Variants in DMD observed in about 807,000 individuals in gnomAD.
The protein encoded by DMD is mutant dystrophin.
In DMD, 63 loss-of-function variants were observed where a neutral mutation model predicts 330.1. The observed-to-expected ratio is 0.19, with a 90% CI of 0.16 to 0.24. DMD has a LOEUF of 0.24. DMD is among the 10% of genes least tolerant of loss of function. The probability of loss-of-function intolerance (pLI) is 1.00; values close to 1 mark genes in which losing one functional copy is unlikely to be tolerated. For missense variants in DMD, 3,344 were observed against 2,684.1 expected (o/e 1.25, Z -5.43); for synonymous variants, 1,223 against 959.8 (o/e 1.27, Z -5.07).
chrX:32,050,974 C>CTTTTTTTTTTTTTTT (rs761835866), intron 44 of DMD, among the ~76,000 whole-genome samples: 1,242 of 77,831 alleles, frequency 0.016, 71 homozygotes, highest in Non-Finnish European at 0.022. Flanking sequence ...CTAACTTCCT[C>CTTTTTTTTTTTTTTT]TTTTTTTTTT....
intron 44 of DMD, among the ~76,000 whole-genome samples, chrX:32,179,699 A>G (rs1850552629): frequency 2.7e-5 from 3 of 111,721 alleles, no homozygotes; most frequent in African/African-American, 9.8e-5. Context: ...CATAATCCCC[A>G]TGTGTCATGG....
At chrX:31,170,452 A>C (rs916032291) in intron 73 of DMD, among the ~76,000 whole-genome samples, 1 of 110,843 alleles carries the variant, frequency 9.0e-6, no homozygotes, top group African/African-American at 3.3e-5. Context: ...CAAGCTCCGG[A>C]AAGGCCTGTT....
At chrX:32,066,296 T>C (rs931004103) in intron 44 of DMD, among the ~76,000 whole-genome samples, 1 of 111,543 alleles carries the variant, frequency 9.0e-6, no homozygotes, top group East Asian at 2.8e-4. Flanking sequence ...AAATAGATGA[T>C]TGTGGCTTTA....
intron 2 of DMD, among the ~76,000 whole-genome samples, chrX:32,887,762 A>AAAAAAAAAAAC (rs2084781383): frequency 9.9e-6 from 1 of 101,332 alleles, no homozygotes; most frequent in African/African-American, 3.6e-5. Flanking sequence ...AAAAAAAAAA[A>AAAAAAAAAAAC]AAAAAAAAAA....
intron 2 of DMD, among the ~76,000 whole-genome samples, chrX:32,908,335 T>C (rs771419596): frequency 2.7e-5 from 3 of 112,056 alleles, no homozygotes; most frequent in African/African-American, 9.7e-5. Context: ...TGGCTTGTAG[T>C]CTTCCAAATT....
chrX:32,314,333 T>C (rs752386291), intron 41 of DMD, among the ~76,000 whole-genome samples: 2 of 111,448 alleles, frequency 1.8e-5, no homozygotes, highest in Non-Finnish European at 3.8e-5. Context: ...TCGGGAAAAC[T>C]GGCTGGCCAT....
chrX:32,490,077 G>A (rs2042851948), intron 20 of DMD, among the ~76,000 whole-genome samples: 1 of 111,786 alleles, frequency 8.9e-6, no homozygotes, highest in African/African-American at 3.2e-5. Flanking sequence ...AAATAGCTTT[G>A]AATTTCTCAT....
rs370392871 is a variant in DMD, at chrX:31,909,501, A to G, written c.6912+20095T>C. Among the ~76,000 whole-genome samples the G allele has an allele frequency of 4.8e-4, 51 of 105,798 alleles. No homozygotes were observed. The East Asian group carries it at 8.8e-3, about 18-fold the overall frequency. 91.9% of individuals were successfully genotyped at this position (105,798 alleles called of 115,157 possible). A position where few individuals can be genotyped will look rare whatever the true frequency, so the allele number is the denominator to read the frequency against. On this transcript the variant is annotated intron_variant, in intron 47 of 78. Transcript: ENST00000357033. The stretch of plus-strand genomic sequence containing the variant: ...AGCTGCTAGGTCAACACAGAAAAAT[A>G]GAACCCAGAGAAATGTGAAAAAAAA...
intron 59 of DMD, among the ~76,000 whole-genome samples, chrX:31,451,403 C>T (rs1448749728): frequency 9.3e-6 from 1 of 107,004 alleles, no homozygotes; most frequent in Non-Finnish European, 1.9e-5. Flanking sequence ...CTGCCTCAGC[C>T]TCCTGAGTAG....
Position 32,033,603 on chromosome X carries a change from C to CAGAAAGAAAGAAAGAA in DMD, c.6439-65105_6439-65090dup, listed in dbSNP as rs753337646. ...TAAAAAAACAAGACAGACAGACAGA[C>CAGAAAGAAAGAAAGAA]AGAAAGAAAGAAAGAAAGAAAGAAA... On this transcript the variant is annotated intron_variant, in intron 44 of 78. Transcript: ENST00000357033. 7.5e-4 allele frequency among the ~76,000 whole-genome samples: 45 copies of CAGAAAGAAAGAAAGAA among 59,918 alleles called. 1 individual carries two copies. The highest frequency in any genetic ancestry group is 1.2e-3 in the Non-Finnish European group (41 of 33,772). 52.0% of individuals were successfully genotyped at this position (59,918 alleles called of 115,157 possible).
upstream of DMD, among the ~76,000 whole-genome samples, chrX:33,215,672 T>G (rs985482144): frequency 8.9e-6 from 1 of 111,947 alleles, no homozygotes; most frequent in East Asian, 2.8e-4. Flanking sequence ...TATTTAAACC[T>G]TTAGTTCACC....
chrX:32,050,326 T>C (rs1223897661), intron 44 of DMD, among the ~76,000 whole-genome samples: 1 of 111,205 alleles, frequency 9.0e-6, no homozygotes, highest in African/African-American at 3.3e-5. Flanking sequence ...TTTTAGGAAG[T>C]GTTGTGCTTA....
intron 44 of DMD, among the ~76,000 whole-genome samples, chrX:32,190,550 T>TTATATATATATATA (rs753482446): frequency 0.039 from 2,421 of 62,241 alleles, 84 homozygotes; most frequent in Non-Finnish European, 0.044. Context: ...ATTTAAAATT[T>TTATATATATATATA]TATATATATA....
intron 50 of DMD, among the ~76,000 whole-genome samples, chrX:31,816,111 A>G (rs1438828028): frequency 8.9e-6 from 1 of 112,491 alleles, no homozygotes; most frequent in East Asian, 2.8e-4. Flanking sequence ...GACACACAGA[A>G]TTATGAGCAA....
At chrX:32,585,823 T>TTCATTTGAGTTC (rs2054232269) in intron 13 of DMD, among the ~76,000 whole-genome samples, 1 of 109,769 alleles carries the variant, frequency 9.1e-6, no homozygotes, top group Non-Finnish European at 1.9e-5. Flanking sequence ...TTTCATTTGA[T>TTCATTTGAGTTC]AATTTTTATC....
At chrX:31,492,162 C>A (rs1204260298) in intron 57 of DMD, among the ~76,000 whole-genome samples, 1 of 112,285 alleles carries the variant, frequency 8.9e-6, no homozygotes, top group Admixed American at 9.4e-5. Context: ...CCATAAAGAG[C>A]AATACAATGT....
intron 44 of DMD, among the ~76,000 whole-genome samples, chrX:32,185,912 AC>A (rs1024738600): frequency 4.5e-5 from 5 of 110,780 alleles, no homozygotes; most frequent in Non-Finnish European, 9.5e-5. Flanking sequence ...ATCCAGAAGG[AC>A]AAAAGGGTTG....
intron 74 of DMD, among the ~76,000 whole-genome samples, chrX:31,162,654 A>G (rs994664951): frequency 1.8e-5 from 2 of 111,172 alleles, no homozygotes; most frequent in Non-Finnish European, 3.8e-5. Context: ...TAATAGATCT[A>G]GTATTTGCAC....
rs760528813 is a variant in DMD at position 32,342,272 on chromosome X, C to G, written c.5750G>C (p.Arg1917Pro). ...CTCCTCTTTCTTCTTCTGCAATTCC[C>G]GATCAATTTCCTATTGAGCAAAACC... ...RDERKIKEIDRELQKKKEELN... is the reference protein window; with the variant it reads ...RDERKIKEIDPELQKKKEELN... Residue 1917 changes from arginine (R) to proline (P), a missense_variant, in exon 41 of 79, where the codon CGG becomes CCG. Physicochemically the swap from Arg to Pro is moderately radical, Grantham distance 103 (BLOSUM62 -2). Transcript: ENST00000357033. 3.3e-6 allele frequency: 4 copies of G among 1,211,184 alleles called. No homozygotes were observed. Among genetic ancestry groups the G allele is most frequent in the Non-Finnish European group, 4.5e-6 (4 of 895,392 alleles).
Sources: gnomAD v4.1 joint callset for allele counts (sites outside exome capture counted in the v4.1 genomes callset) on GRCh38, gnomAD v4.1.1 for gene constraint, MANE v1.5 for transcripts, NCBI Gene and HGNC (gene_info 2026-07-23, HGNC 2026-07-21) for gene names.